Variants in SCN2A observed in about 807,000 individuals in gnomAD.
The protein encoded by SCN2A is sodium voltage-gated channel alpha subunit 2, also known as sodium channel protein type 2 subunit alpha.
A neutral mutation model predicts 188.7 loss-of-function variants in SCN2A; 20 were observed. That is an observed-to-expected ratio of 0.11 (90% CI 0.07 to 0.15). The LOEUF (loss-of-function observed/expected upper bound fraction) is 0.15. SCN2A is among the 10% of genes least tolerant of loss of function. The pLI, the probability that SCN2A is intolerant of heterozygous loss-of-function variation, is 1.00. For missense variants in SCN2A, 1,278 were observed against 2,445.0 expected (o/e 0.52, Z 10.07); for synonymous variants, 804 against 833.1 (o/e 0.97, Z 0.60).
At chr2:165,370,048 A>C in intron 19 of SCN2A, 78 bp from the exon 20 acceptor site, 1 of 1,290,480 alleles carries the variant, frequency 7.7e-7, no homozygotes, top group Non-Finnish European at 1.1e-6. Context: ...AAGAGCTTGC[A>C]TCGTTTCCTT....
At chr2:165,292,431 G>A (rs537084138) in intron 1 of SCN2A, among the ~76,000 whole-genome samples, 3 of 152,158 alleles carry the variant, frequency 2.0e-5, no homozygotes, top group Admixed American at 6.5e-5. Context: ...CACCACCCAG[G>A]TAGCAAGCAT....
intron 1 of SCN2A, among the ~76,000 whole-genome samples, chr2:165,259,962 G>T (rs1694504342): frequency 8.0e-6 from 1 of 125,048 alleles, no homozygotes; most frequent in African/African-American, 3.3e-5. Context: ...TTTTTGAGAC[G>T]GAGTCTTGAT....
Position 165,239,577 on chromosome 2 carries a change from G to A in SCN2A, c.-115G>A, listed in dbSNP as rs951395891. 7.3e-6 allele frequency: 7 copies of A among 964,414 alleles called. No individual in the cohort carries two copies. The East Asian group carries it at 4.6e-4, about 63-fold the overall frequency. The allele number at this position is 964,414 out of a possible 1,614,324, so 59.7% of individuals were successfully genotyped here. On this transcript the variant is annotated 5_prime_UTR_variant, in exon 1 of 27. Coordinates refer to ENST00000375437, the MANE Select transcript of SCN2A (RefSeq NM_001040142.2). ...GTAAAAATTCTGAAGAATTGCATTGGAGACTGTTATATTCAACACATACGT... is the reference window on the plus strand; with the variant it reads ...GTAAAAATTCTGAAGAATTGCATTGAAGACTGTTATATTCAACACATACGT...
At chr2:165,245,546 A>C (rs1693808357) in intron 1 of SCN2A, 1 of 152,224 alleles carries the variant, frequency 6.6e-6, no homozygotes, top group African/African-American at 2.4e-5. Context: ...TCTCCCCTGG[A>C]TTGAGCAAAT....
intron 1 of SCN2A, among the ~76,000 whole-genome samples, chr2:165,278,846 C>G (rs760682472): frequency 1.3e-5 from 2 of 152,114 alleles, no homozygotes; most frequent in Non-Finnish European, 2.9e-5. Flanking sequence ...GGGAGGATCT[C>G]TTGGGCCTGG....
intron 1 of SCN2A, among the ~76,000 whole-genome samples, chr2:165,277,128 G>GT (rs937758985): frequency 5.6e-4 from 85 of 152,022 alleles, no homozygotes; most frequent in African/African-American, 2.0e-3. Flanking sequence ...AATGCCTGGT[G>GT]TTTTTTTAAG....
chr2:165,298,380 A>AT (rs1431531167), intron 3 of SCN2A, among the ~76,000 whole-genome samples: 1 of 152,210 alleles, frequency 6.6e-6, no homozygotes, highest in Non-Finnish European at 1.5e-5. Flanking sequence ...GATGTAAAGC[A>AT]TGTCCCTAGA....
At chr2:165,306,317 G>A (rs948940450) in intron 3 of SCN2A, among the ~76,000 whole-genome samples, 1 of 152,148 alleles carries the variant, frequency 6.6e-6, no homozygotes, top group African/African-American at 2.4e-5. Flanking sequence ...ACTGAGGTTT[G>A]TGACCATAAA....
intron 1 of SCN2A, among the ~76,000 whole-genome samples, chr2:165,262,520 C>A (rs1694642537): frequency 6.6e-6 from 1 of 152,062 alleles, no homozygotes; most frequent in Non-Finnish European, 1.5e-5. Context: ...GTCTCCAATT[C>A]CATCAAAATT....
At chr2:165,291,575 T>TCCTTCCTTCCTTCCTTTC (rs1460696524) in intron 1 of SCN2A, among the ~76,000 whole-genome samples, 3 of 70,546 alleles carry the variant, frequency 4.3e-5, no homozygotes, top group African/African-American at 9.3e-5. Flanking sequence ...CTTCCTTCCT[T>TCCTTCCTTCCTTCCTTTC]TCTCTCTCTC....
At chr2:165,381,855 G>A (rs774510270) in intron 25 of SCN2A, among the ~76,000 whole-genome samples, 13 of 152,058 alleles carry the variant, frequency 8.5e-5, no homozygotes, top group Non-Finnish European at 1.5e-4. Context: ...TATCACTCCT[G>A]AAGGACTAGC....
At chr2:165,318,526 A>G (rs888477851) in intron 11 of SCN2A, among the ~76,000 whole-genome samples, 1 of 152,212 alleles carries the variant, frequency 6.6e-6, no homozygotes, top group African/African-American at 2.4e-5. Flanking sequence ...TATGTAATGA[A>G]TGTCAGCAAA....
chr2:165,351,613 G>A (rs924440586), intron 16 of SCN2A, among the ~76,000 whole-genome samples: 5 of 151,792 alleles, frequency 3.3e-5, no homozygotes, highest in African/African-American at 1.2e-4. Flanking sequence ...CTGTGGTCTT[G>A]GACAAGTCAT....
intron 10 of SCN2A, among the ~76,000 whole-genome samples, chr2:165,314,540 T>C (rs1016662425): frequency 6.6e-6 from 1 of 152,172 alleles, no homozygotes; most frequent in African/African-American, 2.4e-5. Context: ...CTAAGAAAAT[T>C]ATTTCATTGA....
At chr2:165,364,387 C>T (rs903531154) in intron 17 of SCN2A, among the ~76,000 whole-genome samples, 1 of 152,106 alleles carries the variant, frequency 6.6e-6, no homozygotes, top group Admixed American at 6.6e-5. Flanking sequence ...TATAAAACAA[C>T]TTCTATTATA....
intron 25 of SCN2A, among the ~76,000 whole-genome samples, chr2:165,384,060 A>G (rs1701739281): frequency 6.6e-6 from 1 of 152,182 alleles, no homozygotes; most frequent in African/African-American, 2.4e-5. Context: ...ATAAAAATGC[A>G]CAAGATGTGG....
intron 17 of SCN2A, among the ~76,000 whole-genome samples, chr2:165,359,381 C>T (rs113416348): frequency 2.0e-5 from 3 of 152,066 alleles, no homozygotes; most frequent in African/African-American, 7.2e-5. Flanking sequence ...TCTGAGTATC[C>T]CATTTTGCCA....
At chr2:165,259,344 A>G (rs867054400) in intron 1 of SCN2A, among the ~76,000 whole-genome samples, 15 of 152,166 alleles carry the variant, frequency 9.9e-5, no homozygotes, top group Admixed American at 7.9e-4. Flanking sequence ...TAAGACTACA[A>G]TGAAGTTTGT....
chr2:165,317,254 T>C (rs931036920), intron 11 of SCN2A, among the ~76,000 whole-genome samples: 1 of 151,794 alleles, frequency 6.6e-6, no homozygotes, highest in African/African-American at 2.4e-5. Flanking sequence ...GTCACAATCA[T>C]GATTCCATTA....
Sources: allele counts gnomAD v4.1 joint callset (sites outside exome capture counted in the v4.1 genomes callset), GRCh38; gene constraint gnomAD v4.1.1; transcripts MANE v1.5; gene names NCBI Gene and HGNC (gene_info 2026-07-23, HGNC 2026-07-21).